ASAP2: variants seen among roughly 807,000 people sequenced by gnomAD.
ASAP2 encodes arf-GAP with SH3 domain, ANK repeat and PH domain-containing protein 2.
In ASAP2, 45 loss-of-function variants were observed where a neutral mutation model predicts 131.4. The observed-to-expected ratio is 0.34, with a 90% CI of 0.27 to 0.44. The LOEUF is 0.44. ASAP2 is among the 20% of genes least tolerant of loss of function. The pLI, the probability that ASAP2 is intolerant of heterozygous loss-of-function variation, is 1.00. For synonymous variants in ASAP2, 510 were observed against 503.0 expected, an observed-to-expected ratio of 1.01 and a Z score of -0.19; for missense variants, 1,011 against 1,297.0, an observed-to-expected ratio of 0.78 and a Z score of 3.39.
At position 9,226,738 on chromosome 2, in the gene ASAP2, C is replaced by T. The variant is rs1572198910; in HGVS notation, c.126+19508C>T. ...ACAGGGAGCCTGGAAAAACAAAGAA[C>T]ACGCCGTCCGTCCACTCAAAACATT... On this transcript the variant is annotated intron_variant, in intron 1 of 27. Coordinates refer to ENST00000281419, the MANE Select transcript of ASAP2 (RefSeq NM_003887.3). Among the ~76,000 whole-genome samples, 5 of 152,324 alleles carry T rather than the reference C, an allele frequency of 3.3e-5. No individual in the cohort carries two copies. In the South Asian group the frequency reaches 1.0e-3, roughly 32 times the overall value.
At chr2:9,388,035 AATTCGAGGTGAG>A (rs1675420307) in intron 21 of ASAP2, among the ~76,000 whole-genome samples, 2 of 152,304 alleles carry the variant, frequency 1.3e-5, no homozygotes, top group Admixed American at 6.5e-5. Context: ...TGAAGATTAC[AATTCGAGGTGAG>A]ATTTGGGTGG....
chr2:9,235,745 G>A (rs1045327783), intron 1 of ASAP2, among the ~76,000 whole-genome samples: 4 of 152,148 alleles, frequency 2.6e-5, no homozygotes, highest in Admixed American at 1.3e-4. Flanking sequence ...CAGCTGTGAT[G>A]GGAACATGTA....
chr2:9,311,808 A>G lies in ASAP2; in HGVS notation c.346-6716A>G, dbSNP rs1430110412. On this transcript the variant is annotated intron_variant, in intron 3 of 27. Transcript: ENST00000281419. This position sits in a 1 kb window ranked among gnomAD's most constrained non-coding sequence, Gnocchi z 5.2. ...CGAGAAGCGCGTCTGGCCCCCACGC[A>G]CTTGTTCTCTGGCCCAGACAGAGAC... Among the ~76,000 whole-genome samples, 2 of 152,134 alleles carry G rather than the reference A, an allele frequency of 1.3e-5. No homozygotes were observed. Among genetic ancestry groups the G allele is most frequent in the East Asian group, 3.9e-4 (2 of 5,172 alleles).
At chr2:9,394,127 T>C (rs1675931760) in intron 24 of ASAP2, among the ~76,000 whole-genome samples, 1 of 150,600 alleles carries the variant, frequency 6.6e-6, no homozygotes, top group African/African-American at 2.4e-5. Context: ...GTCCAAATAA[T>C]GCCCCTTGTT....
In ASAP2 at chr2:9,376,994, G is replaced by A. The variant is rs1233406800; in HGVS notation, c.1832+1G>A. 2 of 1,610,892 alleles carry A rather than the reference G, an allele frequency of 1.2e-6. No homozygotes were observed. Among genetic ancestry groups the A allele is most frequent in the Admixed American group, 1.7e-5 (1 of 59,914 alleles). On this transcript the variant is annotated splice_donor_variant, in intron 18 of 27. Transcript: ENST00000281419. LOFTEE classifies it high-confidence loss of function. ...TTGTAGACTTTTTAGTTCAGAACAG[G>A]TAGGTGTTCTGAAATTAAGGGAGGC... is the stretch of plus-strand genomic sequence containing the variant.
chr2:9,286,443 A>AT (rs1553304539), intron 2 of ASAP2, among the ~76,000 whole-genome samples: 1 of 130,792 alleles, frequency 7.6e-6, no homozygotes, highest in Non-Finnish European at 1.6e-5. Context: ...AAAGGAAAAA[A>AT]AAAAATATAT....
rs752426686 is a variant in ASAP2 at position 9,388,413 on chromosome 2, G to A, written c.2250G>A (p.Gln750=). Residue 750 remains glutamine (Q), a synonymous_variant, in exon 22 of 28, where the codon CAG becomes CAA. Coordinates refer to ENST00000281419, the MANE Select transcript of ASAP2 (RefSeq NM_003887.3). ...RDAANLAKEK[Q]RAFMPSILQN... ...CTGCAAACCTTGCCAAGGAGAAGCA[G>A]AGGGCTTTCATGCCCAGCATCTTGC... 6.2e-7 allele frequency: 1 copy of A among 1,614,146 alleles called. No individual in the cohort carries two copies. The highest frequency in any genetic ancestry group is 8.5e-7 in the Non-Finnish European group (1 of 1,180,012).
chr2:9,231,274 C>T (rs2148026161), intron 1 of ASAP2, among the ~76,000 whole-genome samples: 1 of 152,306 alleles, frequency 6.6e-6, no homozygotes, highest in East Asian at 1.9e-4. Context: ...TTCCTTGACT[C>T]CTCACCAGGT....
intron 5 of ASAP2, among the ~76,000 whole-genome samples, chr2:9,322,042 G>T (rs554257205): frequency 1.3e-5 from 2 of 152,308 alleles, no homozygotes; most frequent in Middle Eastern, 3.4e-3. Context: ...ACGGTCTCTT[G>T]CCTGTGAAGG....
chr2:9,266,717 G>T (rs1359788779), intron 1 of ASAP2, among the ~76,000 whole-genome samples: 1 of 152,204 alleles, frequency 6.6e-6, no homozygotes, highest in Non-Finnish European at 1.5e-5. Context: ...GTTTGCTGCC[G>T]TCAAAGTTGC....
chr2:9,314,236 G>A (rs556335441), intron 3 of ASAP2, among the ~76,000 whole-genome samples: 2 of 152,114 alleles, frequency 1.3e-5, no homozygotes, highest in East Asian at 1.9e-4. Flanking sequence ...TGCCTGCCTC[G>A]GCCTCCCAAA....
At chr2:9,375,106 C>CAA (rs112747713) in intron 17 of ASAP2, among the ~76,000 whole-genome samples, 162 bp downstream of exon 17, 7 of 66,246 alleles carry the variant, frequency 1.1e-4, no homozygotes, top group South Asian at 4.6e-4. Flanking sequence ...CCCATCTCTA[C>CAA]AAAAAAAAAA....
intron 15 of ASAP2, among the ~76,000 whole-genome samples, chr2:9,359,667 C>T (rs2715867): frequency 0.089 from 13,549 of 152,192 alleles, 1,671 homozygotes; most frequent in African/African-American, 0.28. Context: ...GGGAATTTAA[C>T]GTCAAGAGCA....
intron 19 of ASAP2, 26 bp from the exon 20 acceptor site, chr2:9,380,715 C>G: frequency 6.2e-7 from 1 of 1,613,612 alleles, no homozygotes; most frequent in Non-Finnish European, 8.5e-7. Flanking sequence ...GCCTTAACGC[C>G]TCCTTTGCTC....
intron 1 of ASAP2, among the ~76,000 whole-genome samples, chr2:9,248,740 A>G (rs1044336466): frequency 6.6e-6 from 1 of 152,002 alleles, no homozygotes; most frequent in African/African-American, 2.4e-5. Context: ...ATTTCCTTAC[A>G]CCATTTGACA....
At chr2:9,400,873 G>T in intron 26 of ASAP2, 43 bp downstream of exon 26, 3 of 1,579,288 alleles carry the variant, frequency 1.9e-6, no homozygotes, top group Non-Finnish European at 2.6e-6. Context: ...CTCTAGCCAG[G>T]GGGGTGCAGG....
intron 3 of ASAP2, among the ~76,000 whole-genome samples, chr2:9,318,248 C>T (rs1669930880): frequency 6.6e-6 from 1 of 152,178 alleles, no homozygotes; most frequent in Non-Finnish European, 1.5e-5. Flanking sequence ...TTTTTCTTCA[C>T]TGCAATGATT....
rs373747329 is a variant in ASAP2 at position 9,376,899 on chromosome 2, G to T, written c.1747-9G>T. 27 of 1,613,824 alleles carry T rather than the reference G, an allele frequency of 1.7e-5. No homozygotes were observed. The South Asian group carries it at 3.0e-4, about 18-fold the overall frequency. On this transcript the variant is annotated splice_polypyrimidine_tract_variant and intron_variant, in intron 17 of 27. Coordinates refer to ENST00000281419, the MANE Select transcript of ASAP2 (RefSeq NM_003887.3). ...TAGAATTCTGGAATGCCTTTGTTTG[G>T]TTTTTCAGGAGCCGGATGAAACGGC... is the stretch of plus-strand genomic sequence containing the variant.
intron 9 of ASAP2, among the ~76,000 whole-genome samples, chr2:9,339,520 TAATA>T (rs202062554): frequency 0.028 from 4,294 of 152,226 alleles, 107 homozygotes; most frequent in Non-Finnish European, 0.041. Context: ...TTAATAATCT[TAATA>T]AATATTAATA....
Sources: allele counts gnomAD v4.1 joint callset (sites outside exome capture counted in the v4.1 genomes callset), GRCh38; gene constraint gnomAD v4.1.1; non-coding constraint Gnocchi (gnomAD v3.1); transcripts MANE v1.5; gene names NCBI Gene and HGNC (gene_info 2026-07-23, HGNC 2026-07-21).